The following KERA variants were observed in gnomAD, a reference collection of about 807,000 sequenced individuals.
KERA encodes keratan sulfate proteoglycan keratocan.
Under a neutral mutation model 26.4 loss-of-function variants are expected in KERA, and 25 were observed. That is an observed-to-expected ratio of 0.95 (90% CI 0.69 to 1.32). The LOEUF is 1.32. Ranked by LOEUF, KERA falls within the 40% of genes most tolerant of loss-of-function variation. The pLI, the probability that KERA is intolerant of heterozygous loss-of-function variation, is 0.00. For missense variants in KERA, 434 were observed against 408.9 expected, an observed-to-expected ratio of 1.06 and a Z score of -0.53; for synonymous variants, 167 against 146.1, an observed-to-expected ratio of 1.14 and a Z score of -1.03.
chr12:91,054,595 T>C (rs536401058), intron 2 of KERA, among the ~76,000 whole-genome samples: 30 of 151,284 alleles, frequency 2.0e-4, no homozygotes, highest in Non-Finnish European at 3.7e-4. Context: ...TCACTTCTTC[T>C]CTTGATGATG....
At position 91,056,274 on chromosome 12, in the gene KERA, C is replaced by T. The variant is rs758255217; in HGVS notation, c.8G>A (p.Gly3Asp). The T allele has an allele frequency of 3.1e-6, 5 of 1,608,522 alleles. No homozygotes were observed. Among genetic ancestry groups the T allele is most frequent in the South Asian group, 1.1e-5 (1 of 90,938 alleles). The change falls in exon 2 of 3, where the codon GGC becomes GAC. Residue 3 changes from glycine to aspartate, a missense_variant. Coordinates refer to ENST00000266719, the MANE Select transcript of KERA (RefSeq NM_007035.4). Reference sequence around the variant, plus strand: ...CACCCACATGATGAAACAGATTGTGCCTGCCATTATAGCACCTACAGAAAA... The same window carrying T: ...CACCCACATGATGAAACAGATTGTGTCTGCCATTATAGCACCTACAGAAAA... MA[G>D]TICFIMWVLF...
rs1165251212 is a variant in KERA at position 91,050,652 on chromosome 12, G to C, written c.*694C>G. Reference sequence around the variant, plus strand: ...TGGATTTCAAATGTTAAAACACTAAGATTCCACAAGAAATGCATTATAATA... The same window carrying C: ...TGGATTTCAAATGTTAAAACACTAACATTCCACAAGAAATGCATTATAATA... On this transcript the variant is annotated 3_prime_UTR_variant, in exon 3 of 3. Coordinates refer to ENST00000266719, the MANE Select transcript of KERA (RefSeq NM_007035.4). 1 of 151,964 alleles carries C rather than the reference G, an allele frequency of 6.6e-6. No homozygotes were observed. The highest frequency in any genetic ancestry group is 1.5e-5 in the Non-Finnish European group (1 of 67,692). 9.4% of individuals were successfully genotyped at this position (151,964 alleles called of 1,614,324 possible).
At position 91,050,541 on chromosome 12, in the gene KERA, T is replaced by A. The variant is rs2120949875; in HGVS notation, c.*805A>T. 1 of 152,066 alleles carries A rather than the reference T, an allele frequency of 6.6e-6. No homozygotes were observed. Among genetic ancestry groups the A allele is most frequent in the East Asian group, 1.9e-4 (1 of 5,144 alleles). 9.4% of individuals were successfully genotyped at this position (152,066 alleles called of 1,614,324 possible). A position where few individuals can be genotyped will look rare whatever the true frequency, so the allele number is the denominator to read the frequency against. On this transcript the variant is annotated 3_prime_UTR_variant, in exon 3 of 3. Transcript: ENST00000266719. ...GAAGCTTGCTAATTTCTTTGAAATA[T>A]TCTGTTTTGTTAGAAAGCATTCAAT... is the stretch of plus-strand genomic sequence containing the variant.
intron 2 of KERA, among the ~76,000 whole-genome samples, chr12:91,052,891 G>T (rs779119805): frequency 2.0e-5 from 3 of 151,404 alleles, no homozygotes; most frequent in Non-Finnish European, 4.4e-5. Context: ...ATATAAAAAA[G>T]AAGTATTCTA....
At chr12:91,052,240 A>C (rs1367879228) in intron 2 of KERA, among the ~76,000 whole-genome samples, 1 of 151,548 alleles carries the variant, frequency 6.6e-6, no homozygotes, top group African/African-American at 2.4e-5. Flanking sequence ...CCTTGGATCA[A>C]AGCCCTTGGC....
At position 91,051,033 on chromosome 12, in the gene KERA, A is replaced by G. The variant is rs1878851596; in HGVS notation, c.*313T>C. The G allele has an allele frequency of 3.8e-6, 1 of 266,604 alleles. No individual in the cohort carries two copies. Among genetic ancestry groups the G allele is most frequent in the African/African-American group, 2.2e-5 (1 of 45,784 alleles). 16.5% of individuals were successfully genotyped at this position (266,604 alleles called of 1,614,324 possible). The stretch of plus-strand genomic sequence containing the variant: ...AAACATACACAAATGTGTCCTTTTT[A>G]TTGTATAAGAATGTAATTGTTTTCT... On this transcript the variant is annotated 3_prime_UTR_variant, in exon 3 of 3. Transcript: ENST00000266719.
In KERA at chr12:91,051,188, G is replaced by T. The variant is rs1878855633; in HGVS notation, c.*158C>A. On this transcript the variant is annotated 3_prime_UTR_variant, in exon 3 of 3. Transcript: ENST00000266719. ...ATGCAGGCTGTGATGCATGTAACTG[G>T]CAAAAGCATCTTTGAATAGAAAAAA... 2 of 645,906 alleles carry T rather than the reference G, an allele frequency of 3.1e-6. No individual in the cohort carries two copies. Among genetic ancestry groups the T allele is most frequent in the Non-Finnish European group, 2.8e-6 (1 of 359,688 alleles). 40.0% of individuals were successfully genotyped at this position (645,906 alleles called of 1,614,324 possible). A position where few individuals can be genotyped will look rare whatever the true frequency, so the allele number is the denominator to read the frequency against.
At chr12:91,056,602 C>A (rs1184261955) in intron 1 of KERA, among the ~76,000 whole-genome samples, 1 of 151,182 alleles carries the variant, frequency 6.6e-6, no homozygotes, top group Non-Finnish European at 1.5e-5. Context: ...ATTTAAAGAA[C>A]TGAACTGAAA....
At position 91,051,114 on chromosome 12, in the gene KERA, A is replaced by G. The variant is rs1354250123; in HGVS notation, c.*232T>C. On this transcript the variant is annotated 3_prime_UTR_variant, in exon 3 of 3. Transcript: ENST00000266719. ...AATAAAACTATCTTTGAGTTGATAA[A>G]CTATCTTAACTCTGTGTCTGTTTTA... The G allele has an allele frequency of 8.3e-6, 4 of 484,048 alleles. No homozygotes were observed. The highest frequency in any genetic ancestry group is 1.5e-5 in the Non-Finnish European group (4 of 264,036). 30.0% of individuals were successfully genotyped at this position (484,048 alleles called of 1,614,324 possible).
At chr12:91,054,615 C>T (rs1399466636) in intron 2 of KERA, among the ~76,000 whole-genome samples, 1 of 151,242 alleles carries the variant, frequency 6.6e-6, no homozygotes, top group Non-Finnish European at 1.5e-5. Flanking sequence ...GCCTCTGCCT[C>T]CAAAAACTTT....
chr12:91,053,107 T>C (rs1208935235), intron 2 of KERA, among the ~76,000 whole-genome samples: 3 of 151,410 alleles, frequency 2.0e-5, no homozygotes, highest in African/African-American at 7.3e-5. Context: ...TAGAGACCAC[T>C]TTGTTACAAC....
In KERA at chr12:91,056,050, G is replaced by A. The variant is rs764675474; in HGVS notation, c.232C>T (p.Leu78Phe). 4.4e-6 allele frequency: 7 copies of A among 1,608,732 alleles called. No individual in the cohort carries two copies. Among genetic ancestry groups the A allele is most frequent in the South Asian group, 1.1e-5 (1 of 90,548 alleles). The part of the protein sequence containing the change: ...AIPSRIWYLY[L>F]QNNLIETIPE... ...ATGGTTTCTATCAGGTTGTTTTGAA[G>A]ATAAAGATACCAAATTCTTGAAGGA... is the stretch of plus-strand genomic sequence containing the variant. Residue 78 changes from leucine (L) to phenylalanine (F), a missense_variant, in exon 2 of 3, where the codon CTT becomes TTT. Physicochemically the swap from Leu to Phe is conservative, Grantham distance 22 (BLOSUM62 0). Transcript: ENST00000266719.
chr12:91,052,957 T>A (rs1878902207), intron 2 of KERA, among the ~76,000 whole-genome samples: 1 of 151,526 alleles, frequency 6.6e-6, no homozygotes, highest in Non-Finnish European at 1.5e-5. Flanking sequence ...CAGAAAGTAA[T>A]GTAGTTGAGT....
At chr12:91,056,991 C>G (rs1281138832) in intron 1 of KERA, among the ~76,000 whole-genome samples, 1 of 150,826 alleles carries the variant, frequency 6.6e-6, no homozygotes, top group African/African-American at 2.4e-5. Flanking sequence ...CTCTCTCTCT[C>G]TCTCTCAGAG....
At chr12:91,052,058 C>A (rs552606674) in intron 2 of KERA, among the ~76,000 whole-genome samples, 2 of 151,496 alleles carry the variant, frequency 1.3e-5, no homozygotes, top group East Asian at 3.9e-4. Flanking sequence ...TTTAAAAGTA[C>A]AATTAACATA....
At chr12:91,053,683 A>T (rs1878919612) in intron 2 of KERA, among the ~76,000 whole-genome samples, 1 of 151,354 alleles carries the variant, frequency 6.6e-6, no homozygotes, top group African/African-American at 2.4e-5. Context: ...GAACGATAGA[A>T]AATTAGAAAC....
At chr12:91,055,227 ACTGT>A (rs1314216234) in intron 2 of KERA, among the ~76,000 whole-genome samples, 165 bp downstream of exon 2, 1 of 151,132 alleles carries the variant, frequency 6.6e-6, no homozygotes, top group African/African-American at 2.4e-5. Flanking sequence ...GTTCATTAAG[ACTGT>A]CTGCGTATAG....
In KERA at chr12:91,055,554, C is replaced by G. The variant is rs1424208867; in HGVS notation, c.728G>C (p.Arg243Thr). Residue 243 changes from arginine to threonine, a missense_variant, in exon 2 of 3, where the codon AGA becomes ACA. Physicochemically the swap from Arg to Thr is moderately conservative, Grantham distance 71. Transcript: ENST00000266719. ...ATCTGACAGTTTGTTGTGATTTAGT[C>G]TCAAAAAGGCCACTTTAGGAATCAC... Reference protein sequence around the residue: ...FNVIPKVAFLRLNHNKLSDEG... With the variant: ...FNVIPKVAFLTLNHNKLSDEG... 3 of 1,610,514 alleles carry G rather than the reference C, an allele frequency of 1.9e-6. No individual in the cohort carries two copies. In the East Asian group the frequency reaches 6.7e-5, roughly 36 times the overall value.
chr12:91,051,600 G>A, intron 2 of KERA, 82 bp from the exon 3 acceptor site: 1 of 965,878 alleles, frequency 1.0e-6, no homozygotes, highest in Non-Finnish European at 1.7e-6. Flanking sequence ...TAATGCCATG[G>A]TCCTATGGAG....
Sources: gnomAD v4.1 joint callset for allele counts (sites outside exome capture counted in the v4.1 genomes callset) on GRCh38, gnomAD v4.1.1 for gene constraint, MANE v1.5 for transcripts, NCBI Gene and HGNC (gene_info 2026-07-23, HGNC 2026-07-21) for gene names.